Variants in POLQ observed in about 807,000 individuals in gnomAD.
POLQ encodes epididymis secretory sperm binding protein.
Under a neutral mutation model 259.2 loss-of-function variants are expected in POLQ, and 233 were observed. The ratio of observed to expected loss-of-function variants is 0.90; its 90% CI spans 0.81 to 1.00. POLQ has a LOEUF of 1.00. POLQ is among the 50% of genes least tolerant of loss of function. The pLI is 0.00. For synonymous variants in POLQ, 1,025 were observed against 1,048.8 expected (o/e 0.98, Z 0.44); for missense variants, 2,871 against 3,051.6 (o/e 0.94, Z 1.39).
intron 15 of POLQ, among the ~76,000 whole-genome samples, chr3:121,490,930 C>T (rs1229974186): frequency 6.6e-6 from 1 of 151,934 alleles, no homozygotes; most frequent in Non-Finnish European, 1.5e-5. Context: ...TAGCGGGTAC[C>T]TGTAATTACA....
rs2048028863 is a variant in POLQ, at chr3:121,488,039, C to A, written c.4892G>T (p.Trp1631Leu). Residue 1631 changes from tryptophan to leucine, a missense_variant, in exon 16 of 30, where the codon TGG becomes TTG. Coordinates refer to ENST00000264233, the MANE Select transcript of POLQ (RefSeq NM_199420.4). ...ACTTAGATCAAATGATGCCCCTGAC[C>A]ATATGAATGAATGATTTTGCCTGGT... Reference protein sequence around the residue: ...TGTRQNHSFIWSGASFDLSPG... With the variant: ...TGTRQNHSFILSGASFDLSPG... 2 of 1,613,932 alleles carry A rather than the reference C, an allele frequency of 1.2e-6. No individual in the cohort carries two copies. Among genetic ancestry groups the A allele is most frequent in the Non-Finnish European group, 1.7e-6 (2 of 1,179,888 alleles).
At chr3:121,465,555 A>C (rs1234062980) in intron 24 of POLQ, among the ~76,000 whole-genome samples, 1 of 152,046 alleles carries the variant, frequency 6.6e-6, no homozygotes, top group African/African-American at 2.4e-5. Flanking sequence ...GTTTTTGGCA[A>C]CTCTGAGTGG....
chr3:121,438,416 G>A (rs781202131), intron 27 of POLQ, among the ~76,000 whole-genome samples: 5 of 151,970 alleles, frequency 3.3e-5, no homozygotes, highest in South Asian at 4.2e-4. Context: ...TAATCAATTC[G>A]TATTATTAGA....
At position 121,473,374 on chromosome 3, in the gene POLQ, C is replaced by T. The variant is rs1181447705; in HGVS notation, c.6519G>A (p.Leu2173=). The T allele has an allele frequency of 1.2e-6, 2 of 1,614,026 alleles. No homozygotes were observed. Residue 2173 remains leucine (L), a synonymous_variant, in exon 21 of 30, where the codon CTG becomes CTA. Transcript: ENST00000264233. ...CCTTACTAGTGCTGAACTGTCTTCC[C>T]AGCCTTAGCTTGCGTCCATTGTCAA... is the stretch of plus-strand genomic sequence containing the variant. ...RGIDNGRKLR[L]GRQFSTSKDV... is the part of the protein sequence containing the mutation.
At chr3:121,465,829 C>T (rs1423743052) in intron 24 of POLQ, among the ~76,000 whole-genome samples, 1 of 152,168 alleles carries the variant, frequency 6.6e-6, no homozygotes, top group East Asian at 1.9e-4. Context: ...CCCTGAGATA[C>T]AATATTAAAA....
intron 4 of POLQ, among the ~76,000 whole-genome samples, 200 bp downstream of exon 4, chr3:121,539,233 C>T (rs559385341): frequency 4.6e-5 from 7 of 152,158 alleles, no homozygotes; most frequent in South Asian, 2.1e-4. Flanking sequence ...AAAAATGCAA[C>T]GTAACGGAGT....
intron 24 of POLQ, among the ~76,000 whole-genome samples, chr3:121,466,363 CAAAAAA>C (rs751087085): frequency 1.1e-5 from 1 of 94,162 alleles, no homozygotes. Flanking sequence ...GACTCCGTCT[CAAAAAA>C]AAAAAAAAAA....
Position 121,472,084 on chromosome 3 carries a change from G to A in POLQ, c.6624C>T (p.Thr2208=). The change falls in exon 22 of 30, where the codon ACC becomes ACT. Residue 2208 remains threonine, a synonymous_variant. Transcript: ENST00000264233. ...LEWRRITNAI[T]KVVFPLQREK... is the part of the protein sequence containing the mutation. ...CCCGCTGAAGGGGAAAGACCACTTT[G>A]GTAATAGCATTAGTGATTCTTCTCC... The A allele has an allele frequency of 6.3e-7, 1 of 1,575,942 alleles. No individual in the cohort carries two copies. Among genetic ancestry groups the A allele is most frequent in the Non-Finnish European group, 8.7e-7 (1 of 1,149,040 alleles).
In POLQ at chr3:121,490,372, A is replaced by T. The variant is rs1169816420; in HGVS notation, c.2559T>A (p.Val853=). The change falls in exon 16 of 30, where the codon GTT becomes GTA. Residue 853 remains valine, a synonymous_variant. Transcript: ENST00000264233. The stretch of plus-strand genomic sequence containing the variant: ...TAGTTCGCATATTGCGACGTTCTTC[A>T]ACTGCTTCCTCTTCCTCATCCACTG... ...RKAVDEEEEA[V]EERRNMRTIW... The T allele has an allele frequency of 1.2e-6, 2 of 1,614,114 alleles. No individual in the cohort carries two copies. Among genetic ancestry groups the T allele is most frequent in the African/African-American group, 2.7e-5 (2 of 74,950 alleles).
At chr3:121,458,519 TTCC>T (rs1453187803) in intron 25 of POLQ, among the ~76,000 whole-genome samples, 3 of 152,156 alleles carry the variant, frequency 2.0e-5, no homozygotes, top group Non-Finnish European at 4.4e-5. Flanking sequence ...GTGCTTCAGT[TTCC>T]TCCTCTATAA....
At chr3:121,506,006 G>C (rs1159739155) in intron 12 of POLQ, among the ~76,000 whole-genome samples, 10 of 127,592 alleles carry the variant, frequency 7.8e-5, no homozygotes, top group African/African-American at 2.9e-4. Context: ...TGGGTGACAA[G>C]AGCGAAACTC....
In POLQ at chr3:121,487,779, A is replaced by G. The variant is rs752578695; in HGVS notation, c.5152T>C (p.Ser1718Pro). ...CTTTCTTTACGAGGTAAGAGGGATG[A>G]GGTTTCATCATGATTGGCATTGTTT... is the stretch of plus-strand genomic sequence containing the variant. Reference protein sequence around the residue: ...LENNANHDETSSLLPRKESNI... With the variant: ...LENNANHDETPSLLPRKESNI... Residue 1718 changes from serine to proline, a missense_variant, in exon 16 of 30, where the codon TCA (serine) becomes CCA (proline). Ser to Pro is a moderately conservative substitution (Grantham distance 74, BLOSUM62 -1). Transcript: ENST00000264233. 1.2e-6 allele frequency: 2 copies of G among 1,610,850 alleles called. No homozygotes were observed. Among genetic ancestry groups the G allele is most frequent in the Middle Eastern group, 1.6e-4 (1 of 6,064 alleles).
Position 121,498,560 on chromosome 3 carries a change from T to A in POLQ, c.2070A>T (p.Glu690Asp). The change falls in exon 13 of 30, where the codon GAA becomes GAT. Residue 690 changes from glutamate to aspartate, a missense_variant. Glu to Asp is a conservative substitution (Grantham distance 45). Coordinates refer to ENST00000264233, the MANE Select transcript of POLQ (RefSeq NM_199420.4). ...TCACACAACGGGCCAAGAACCCCTC[T>A]TCAACTCCCACTAGCTCTGCCACCC... ...MKRVAELVGV[E>D]EGFLARCVKG... 2 of 1,614,130 alleles carry A rather than the reference T, an allele frequency of 1.2e-6. No individual in the cohort carries two copies.
Position 121,544,848 on chromosome 3 carries a change from CCA to C in POLQ, c.220_221del (p.Trp74GlyfsTer4). The C allele has an allele frequency of 6.2e-7, 1 of 1,611,496 alleles. No individual in the cohort carries two copies. Among genetic ancestry groups the C allele is most frequent in the Non-Finnish European group, 8.5e-7 (1 of 1,177,756 alleles). On this transcript the variant is annotated frameshift_variant, in exon 2 of 30. Coordinates refer to ENST00000264233, the MANE Select transcript of POLQ (RefSeq NM_199420.4). LOFTEE classifies it high-confidence loss of function. Reference sequence around the variant, plus strand: ...TTTCCAGAACTGCTTTAGGAAGTCCCCAGTTTGCCAATAGTAGCTTGTCTCTT... The same window carrying C: ...TTTCCAGAACTGCTTTAGGAAGTCCCGTTTGCCAATAGTAGCTTGTCTCTT... ...YERDKLLLAN[W>X]GLPKAVLEKY... is the part of the protein sequence containing the mutation.
chr3:121,533,464 A>C (rs887271325), intron 5 of POLQ, among the ~76,000 whole-genome samples: 2 of 152,176 alleles, frequency 1.3e-5, no homozygotes, highest in African/African-American at 4.8e-5. Context: ...TAATCTTGTC[A>C]CCACTTGGTA....
chr3:121,514,087 G>C (rs2108809794), intron 9 of POLQ, among the ~76,000 whole-genome samples: 1 of 145,978 alleles, frequency 6.9e-6, no homozygotes, highest in South Asian at 2.2e-4. Flanking sequence ...CCAGCACTGT[G>C]GGAGGCCAAG....
At chr3:121,501,560 G>A (rs940836676) in intron 12 of POLQ, among the ~76,000 whole-genome samples, 3 of 147,862 alleles carry the variant, frequency 2.0e-5, no homozygotes, top group Admixed American at 1.4e-4. Flanking sequence ...TTGGGAGGCT[G>A]AGGCAGGAGG....
chr3:121,444,561 C>T lies in POLQ; in HGVS notation c.7265-4445G>A, dbSNP rs184160849. 2.6e-5 allele frequency among the ~76,000 whole-genome samples: 4 copies of T among 152,280 alleles called. No individual in the cohort carries two copies. In the East Asian group the frequency reaches 7.7e-4, roughly 29 times the overall value. On this transcript the variant is annotated intron_variant, in intron 26 of 29. Transcript: ENST00000264233. ...ACAAACAAGGAGAATTTGACCTCTT[C>T]CTTTCCAGTGTGGATGTCCTTTATT...
chr3:121,493,160 G>A (rs2048083636), intron 15 of POLQ, among the ~76,000 whole-genome samples: 1 of 151,902 alleles, frequency 6.6e-6, no homozygotes, highest in Non-Finnish European at 1.5e-5. Context: ...AAATTAGCTG[G>A]GCCTGGTGGT....
Sources: allele counts gnomAD v4.1 joint callset (sites outside exome capture counted in the v4.1 genomes callset), GRCh38; gene constraint gnomAD v4.1.1; transcripts MANE v1.5; gene names NCBI Gene and HGNC (gene_info 2026-07-23, HGNC 2026-07-21).